Variants in SLC16A9 observed in about 807,000 individuals in gnomAD.
SLC16A9 encodes monocarboxylate transporter 9.
Under a neutral mutation model 44.3 loss-of-function variants are expected in SLC16A9, and 26 were observed. That is an observed-to-expected ratio of 0.59 (90% CI 0.43 to 0.81). The LOEUF is 0.81. Ranked by LOEUF, SLC16A9 falls within the 40% of genes least tolerant of loss-of-function variation. The probability of loss-of-function intolerance (pLI) is 0.00; values close to 1 mark genes in which losing one functional copy is unlikely to be tolerated. For missense variants in SLC16A9, 559 were observed against 595.8 expected, an observed-to-expected ratio of 0.94 and a Z score of 0.64; for synonymous variants, 230 against 225.1, an observed-to-expected ratio of 1.02 and a Z score of -0.19.
intron 4 of SLC16A9, among the ~76,000 whole-genome samples, chr10:59,659,123 T>A (rs540979350): frequency 6.6e-6 from 1 of 152,330 alleles, no homozygotes; most frequent in African/African-American, 2.4e-5. Context: ...AAAACCACTT[T>A]TATATGTCCA....
intron 1 of SLC16A9, among the ~76,000 whole-genome samples, chr10:59,696,825 C>A (rs1840393490): frequency 6.6e-6 from 1 of 151,024 alleles, no homozygotes; most frequent in Non-Finnish European, 1.5e-5. Context: ...CCCCTCCGCC[C>A]GGCAGCCACA....
chr10:59,683,547 T>G (rs1840068328), intron 2 of SLC16A9, among the ~76,000 whole-genome samples: 2 of 152,228 alleles, frequency 1.3e-5, no homozygotes, highest in African/African-American at 4.8e-5. Context: ...TGTGAGACTC[T>G]TTGCTATGTC....
chr10:59,664,273 C>A lies in SLC16A9; in HGVS notation c.390G>T (p.Gln130His), dbSNP rs1202061953. The change falls in exon 4 of 6, where the codon CAG becomes CAT. Residue 130 changes from glutamine (Q) to histidine (H), a missense_variant. Physicochemically the swap from Gln to His is conservative, Grantham distance 24. Coordinates refer to ENST00000395348, the MANE Select transcript of SLC16A9 (RefSeq NM_194298.3). ...CTAGGCCTCGGCGATCGTCAAAATACTGGCACGTAATGGTCACTGTTGCAG... is the reference window on the plus strand; with the variant it reads ...CTAGGCCTCGGCGATCGTCAAAATAATGGCACGTAATGGTCACTGTTGCAG... ...LYTATVTITC[Q>H]YFDDRRGLAL... 3.1e-6 allele frequency: 5 copies of A among 1,612,650 alleles called. No individual in the cohort carries two copies. Among genetic ancestry groups the A allele is most frequent in the Non-Finnish European group, 4.2e-6 (5 of 1,179,136 alleles).
rs1315475558 is a variant in SLC16A9 at position 59,694,415 on chromosome 10, A to G, written c.-36-10088T>C. 2.0e-5 allele frequency among the ~76,000 whole-genome samples: 3 copies of G among 152,338 alleles called. No homozygotes were observed. In the East Asian group the frequency reaches 5.8e-4, roughly 29 times the overall value. ...AAATCAAGGTTTCGATTAAATATCT[A>G]CATCTTAAAAATGAATGCTATTAGC... On this transcript the variant is annotated intron_variant, in intron 1 of 5. Transcript: ENST00000395348.
intron 1 of SLC16A9, among the ~76,000 whole-genome samples, chr10:59,686,879 G>T (rs866874988): frequency 1.3e-5 from 2 of 152,046 alleles, no homozygotes; most frequent in African/African-American, 2.4e-5. Context: ...ACCTTGCTTT[G>T]GTTTCCAGTT....
intron 1 of SLC16A9, among the ~76,000 whole-genome samples, chr10:59,705,994 C>G (rs1259364970): frequency 6.6e-6 from 1 of 152,178 alleles, no homozygotes; most frequent in Non-Finnish European, 1.5e-5. Flanking sequence ...TTCCTATAAA[C>G]ACACTAGACT....
At chr10:59,691,455 A>C (rs1336304854) in intron 1 of SLC16A9, among the ~76,000 whole-genome samples, 2 of 152,196 alleles carry the variant, frequency 1.3e-5, no homozygotes, top group African/African-American at 4.8e-5. Context: ...ACTTGTAAGC[A>C]TCTTTCTTAA....
chr10:59,697,981 C>CAAAAA (rs1840438926), intron 1 of SLC16A9, among the ~76,000 whole-genome samples: 2 of 116,808 alleles, frequency 1.7e-5, no homozygotes, highest in African/African-American at 5.6e-5. Flanking sequence ...AAACAAAAAA[C>CAAAAA]AAAACAAAAC....
At chr10:59,705,779 T>TATAA (rs1262242370) in intron 1 of SLC16A9, among the ~76,000 whole-genome samples, 1 of 152,184 alleles carries the variant, frequency 6.6e-6, no homozygotes, top group African/African-American at 2.4e-5. Context: ...ACTACTTATT[T>TATAA]TAGAAGGAAA....
intron 1 of SLC16A9, among the ~76,000 whole-genome samples, chr10:59,692,474 T>C (rs1220486383): frequency 2.6e-5 from 4 of 152,174 alleles, no homozygotes; most frequent in Non-Finnish European, 5.9e-5. Context: ...TAAAATTAGA[T>C]TGTGGTGCAG....
chr10:59,683,952 A>C, intron 2 of SLC16A9, 144 bp downstream of exon 2: 1 of 558,726 alleles, frequency 1.8e-6, no homozygotes, highest in Non-Finnish European at 2.9e-6. Context: ...TATTACAGTG[A>C]AAGTACAATC....
At chr10:59,670,243 A>G (rs937910102) in intron 3 of SLC16A9, among the ~76,000 whole-genome samples, 1 of 152,212 alleles carries the variant, frequency 6.6e-6, no homozygotes, top group African/African-American at 2.4e-5. Context: ...TATCTCATGA[A>G]TAGTCACAAT....
intron 2 of SLC16A9, among the ~76,000 whole-genome samples, chr10:59,674,354 TA>T (rs1839815045): frequency 6.6e-6 from 1 of 152,150 alleles, no homozygotes; most frequent in Non-Finnish European, 1.5e-5. Context: ...GCCCCTGAGA[TA>T]CACTGAGATC....
intron 2 of SLC16A9, among the ~76,000 whole-genome samples, chr10:59,680,191 G>T (rs765349604): frequency 1.3e-5 from 2 of 152,052 alleles, no homozygotes; most frequent in Non-Finnish European, 2.9e-5. Context: ...GACAAACAAA[G>T]AATTCAAGCA....
chr10:59,674,462 G>A (rs1839817072), intron 2 of SLC16A9, among the ~76,000 whole-genome samples: 1 of 152,138 alleles, frequency 6.6e-6, no homozygotes, highest in South Asian at 2.1e-4. Context: ...GCGCAGAAGA[G>A]GAGACTGATA....
At chr10:59,706,999 C>CA (rs760131923) in intron 1 of SLC16A9, among the ~76,000 whole-genome samples, 30,074 of 90,284 alleles carry the variant, frequency 0.33, 4,617 homozygotes, top group East Asian at 0.67. Flanking sequence ...AACTCCATCT[C>CA]AAAAAAAAAA....
At chr10:59,681,741 G>GATGTAT (rs1554871607) in intron 2 of SLC16A9, among the ~76,000 whole-genome samples, 2 of 3,126 alleles carry the variant, frequency 6.4e-4, no homozygotes, top group African/African-American at 7.4e-4. Context: ...ATATGTATAT[G>GATGTAT]ATGTATATGT....
At chr10:59,655,304 CA>C (rs1839325534) in intron 4 of SLC16A9, among the ~76,000 whole-genome samples, 1 of 152,074 alleles carries the variant, frequency 6.6e-6, no homozygotes, top group Non-Finnish European at 1.5e-5. Flanking sequence ...AGCAAACAAA[CA>C]AACAAAAAAA....
rs57206841 is a variant in SLC16A9 at position 59,677,063 on chromosome 10, T to TCA, written c.197-4152_197-4151dup. On this transcript the variant is annotated intron_variant, in intron 2 of 5. Transcript: ENST00000395348. ...AGACAGTAAGAAGATAATAGGAACT[T>TCA]CACACACACACACACACTCATACAT... Among the ~76,000 whole-genome samples, 152 of 149,238 alleles carry TCA rather than the reference T, an allele frequency of 1.0e-3. 3 individuals carry two copies. The highest frequency in any genetic ancestry group is 2.5e-3 in the African/African-American group (100 of 40,252).
Sources: gnomAD v4.1 joint callset for allele counts (sites outside exome capture counted in the v4.1 genomes callset) on GRCh38, gnomAD v4.1.1 for gene constraint, MANE v1.5 for transcripts, NCBI Gene and HGNC (gene_info 2026-07-23, HGNC 2026-07-21) for gene names.